Variants in CCDC144A observed in about 807,000 individuals in gnomAD.
CCDC144A encodes coiled-coil domain containing 144A.
Under a neutral mutation model 143.8 loss-of-function variants are expected in CCDC144A, and 41 were observed. The observed-to-expected ratio is 0.29, with a 90% confidence interval of 0.22 to 0.37. CCDC144A has a LOEUF of 0.37. CCDC144A is among the 10% of genes least tolerant of loss of function. The probability of loss-of-function intolerance (pLI) is 1.00; values close to 1 mark genes in which losing one functional copy is unlikely to be tolerated. For synonymous variants in CCDC144A, 242 were observed against 517.9 expected (o/e 0.47, Z 7.23); for missense variants, 637 against 1,488.8 (o/e 0.43, Z 9.41).
chr17:16,677,918 A>AT, the CCDC144A span, among the ~76,000 whole-genome samples: 1 of 152,026 alleles, frequency 6.6e-6, no homozygotes, highest in Admixed American at 6.5e-5. Flanking sequence ...AATTTGACTG[A>AT]TTTTGGGCCA....
the CCDC144A span, among the ~76,000 whole-genome samples, chr17:16,678,857 C>T: frequency 6.7e-6 from 1 of 148,952 alleles, no homozygotes; most frequent in Non-Finnish European, 1.5e-5. Flanking sequence ...CGGGTTCAAG[C>T]AATTCTCCTG....
At chr17:16,742,169 G>A (rs1597575346) in intron 12 of CCDC144A, among the ~76,000 whole-genome samples, 2 of 151,700 alleles carry the variant, frequency 1.3e-5, no homozygotes, top group Non-Finnish European at 1.5e-5. Flanking sequence ...CTATGTAACT[G>A]TAATCTTGTA....
At chr17:16,693,322 T>C (rs1236832515) in intron 2 of CCDC144A, among the ~76,000 whole-genome samples, 1 of 145,596 alleles carries the variant, frequency 6.9e-6, no homozygotes, top group Non-Finnish European at 1.5e-5. Context: ...AAGTGTTTTT[T>C]TTTGTTTTTT....
At chr17:16,672,445 C>CA in the CCDC144A span, among the ~76,000 whole-genome samples, 1 of 151,074 alleles carries the variant, frequency 6.6e-6, no homozygotes, top group Non-Finnish European at 1.5e-5. Context: ...AACTCCATCT[C>CA]AAAAAAACAA....
chr17:16,751,539 G>A (rs1028456458), intron 12 of CCDC144A, among the ~76,000 whole-genome samples: 3 of 152,190 alleles, frequency 2.0e-5, no homozygotes, highest in Non-Finnish European at 4.4e-5. Flanking sequence ...ATCAGTTCCT[G>A]GAACTTGGGA....
chr17:16,679,254 A>C, the CCDC144A span, among the ~76,000 whole-genome samples: 1 of 152,218 alleles, frequency 6.6e-6, no homozygotes, highest in South Asian at 2.1e-4. Flanking sequence ...ATGGCCTAAC[A>C]CAGACATAGA....
At chr17:16,689,318 C>T (rs1402095366), upstream of CCDC144A, among the ~76,000 whole-genome samples, 1 of 152,164 alleles carries the variant, frequency 6.6e-6, no homozygotes, top group Non-Finnish European at 1.5e-5. Flanking sequence ...GTCTCAGCCT[C>T]TGGAGTAGCT....
chr17:16,681,223 C>T, the CCDC144A span, among the ~76,000 whole-genome samples: 1 of 151,572 alleles, frequency 6.6e-6, no homozygotes, highest in Non-Finnish European at 1.5e-5. Flanking sequence ...TATTTAAATC[C>T]CATGCCTTTC....
intron 16 of CCDC144A, 21 bp downstream of exon 16, chr17:16,772,040 A>G (rs1436085794): frequency 5.3e-6 from 8 of 1,515,210 alleles, no homozygotes; most frequent in Non-Finnish European, 6.3e-6. Flanking sequence ...AAAATTTATG[A>G]ATTAAATTTA....
chr17:16,683,975 A>G, the CCDC144A span: 8 of 1,082,674 alleles, frequency 7.4e-6, no homozygotes, highest in African/African-American at 1.1e-4. Context: ...AACTGTAGGC[A>G]TTAGACTTCC....
chr17:16,679,785 C>T, the CCDC144A span, among the ~76,000 whole-genome samples: 8 of 152,052 alleles, frequency 5.3e-5, no homozygotes, highest in Non-Finnish European at 5.9e-5. Context: ...TTGTTACAGG[C>T]AGATCAGGCT....
rs1597522362 is a variant in CCDC144A, at chr17:16,690,281, G to T, written c.-120G>T. On this transcript the variant is annotated 5_prime_UTR_variant, in exon 1 of 17. Transcript: ENST00000399273. ...CTGTTGGCTTGGCGGTGGTCGCTTG[G>T]CTTGGCGTGGCAGTGATCGCTTGGC... The T allele has an allele frequency of 1.2e-5, 8 of 694,682 alleles. No homozygotes were observed. In the East Asian group the frequency reaches 2.3e-4, roughly 20 times the overall value. 43.0% of individuals were successfully genotyped at this position (694,682 alleles called of 1,614,324 possible).
At chr17:16,680,601 G>GA in the CCDC144A span, among the ~76,000 whole-genome samples, 1 of 128,782 alleles carries the variant, frequency 7.8e-6, no homozygotes, top group Non-Finnish European at 1.6e-5. Context: ...GAGAAATAAA[G>GA]AAAAAGGAAG....
In CCDC144A at chr17:16,690,632, C is replaced by A; in HGVS notation, c.232C>A (p.Leu78Met). ...ALDQPQHDVR[L>M]EDLGELHRAA... is the part of the protein sequence containing the mutation. ...AGACCAGCCCCAGCACGACGTCCGC[C>A]TGGAAGATCTTGGCGAGCTCCACAG... Residue 78 changes from leucine to methionine, a missense_variant, in exon 1 of 17, where the codon CTG becomes ATG. Transcript: ENST00000399273. 5.0e-6 allele frequency: 8 copies of A among 1,613,830 alleles called. No homozygotes were observed. Among genetic ancestry groups the A allele is most frequent in the Non-Finnish European group, 6.8e-6 (8 of 1,179,870 alleles).
chr17:16,738,568 T>C (rs1914125640), intron 12 of CCDC144A, among the ~76,000 whole-genome samples: 1 of 151,920 alleles, frequency 6.6e-6, no homozygotes, highest in African/African-American at 2.4e-5. Flanking sequence ...ACTGGCTTCT[T>C]CTACTTAGCA....
chr17:16,725,358 C>G (rs1384168231), intron 8 of CCDC144A, among the ~76,000 whole-genome samples: 1 of 151,908 alleles, frequency 6.6e-6, no homozygotes, highest in African/African-American at 2.4e-5. Context: ...TCAGTTAGTC[C>G]AGTAATTTTT....
intron 12 of CCDC144A, among the ~76,000 whole-genome samples, chr17:16,743,114 C>CT (rs962612126): frequency 6.6e-5 from 10 of 151,746 alleles, no homozygotes; most frequent in Middle Eastern, 3.2e-3. Flanking sequence ...TATACCTGTG[C>CT]TTTTTTTTGC....
At chr17:16,744,172 G>T (rs1914384692) in intron 12 of CCDC144A, among the ~76,000 whole-genome samples, 1 of 152,222 alleles carries the variant, frequency 6.6e-6, no homozygotes, top group African/African-American at 2.4e-5. Flanking sequence ...TTGGTAGAAT[G>T]ATTTTTTGGT....
chr17:16,749,173 G>A (rs1236831845), intron 12 of CCDC144A, among the ~76,000 whole-genome samples: 2 of 151,756 alleles, frequency 1.3e-5, no homozygotes, highest in South Asian at 2.1e-4. Flanking sequence ...AGTTCCTCTC[G>A]GCGCAGTGTC....
Sources: allele counts gnomAD v4.1 joint callset (sites outside exome capture counted in the v4.1 genomes callset), GRCh38; gene constraint gnomAD v4.1.1; transcripts MANE v1.5; gene names NCBI Gene and HGNC (gene_info 2026-07-23, HGNC 2026-07-21).